The following SUPT3H variants were observed in gnomAD, a reference collection of about 807,000 sequenced individuals.
The protein encoded by SUPT3H is transcription initiation protein SPT3 homolog.
A neutral mutation model predicts 44.3 loss-of-function variants in SUPT3H; 44 were observed. That is an observed-to-expected ratio of 0.99 (90% CI 0.78 to 1.28). The LOEUF (loss-of-function observed/expected upper bound fraction) is 1.28. Ranked by LOEUF, SUPT3H falls within the 50% of genes most tolerant of loss-of-function variation. The pLI, the probability that SUPT3H is intolerant of heterozygous loss-of-function variation, is 0.00. For synonymous variants in SUPT3H, 124 were observed against 125.6 expected (o/e 0.99, Z 0.09); for missense variants, 380 against 387.1 (o/e 0.98, Z 0.15).
intron 11 of SUPT3H, among the ~76,000 whole-genome samples, chr6:44,812,249 T>C (rs1310162145): frequency 6.6e-6 from 1 of 152,184 alleles, no homozygotes; most frequent in East Asian, 1.9e-4. Flanking sequence ...TAGGGAAGAA[T>C]CTGTTTCCTG....
At chr6:45,355,626 T>C (rs886849935) in intron 2 of SUPT3H, among the ~76,000 whole-genome samples, 5 of 152,158 alleles carry the variant, frequency 3.3e-5, no homozygotes, top group Non-Finnish European at 7.4e-5. Context: ...GAAATATTTA[T>C]ATTTAATTAC....
At chr6:45,135,639 G>A (rs990514700) in intron 2 of SUPT3H, among the ~76,000 whole-genome samples, 1 of 151,892 alleles carries the variant, frequency 6.6e-6, no homozygotes, top group Non-Finnish European at 1.5e-5. Flanking sequence ...TAAAACCATA[G>A]CAGTGCCCTT....
intron 3 of SUPT3H, among the ~76,000 whole-genome samples, chr6:45,073,913 A>G (rs1473252103): frequency 1.3e-5 from 2 of 152,050 alleles, no homozygotes; most frequent in African/African-American, 2.4e-5. Context: ...TCTATGGAAG[A>G]GAACAGAAAA....
At chr6:45,371,758 G>A (rs1157833727) in intron 1 of SUPT3H, 1 of 802,644 alleles carries the variant, frequency 1.2e-6, no homozygotes, top group African/African-American at 1.9e-5. Flanking sequence ...GAAAATCTTA[G>A]GTAGATGGAT....
intron 6 of SUPT3H, among the ~76,000 whole-genome samples, chr6:44,971,802 T>G (rs778267553): frequency 6.6e-6 from 1 of 151,710 alleles, no homozygotes; most frequent in Non-Finnish European, 1.5e-5. Flanking sequence ...AGACGGAGTC[T>G]CACTCTGTCG....
chr6:45,346,644 T>C (rs1790938420), intron 2 of SUPT3H, among the ~76,000 whole-genome samples: 1 of 151,240 alleles, frequency 6.6e-6, no homozygotes, highest in Non-Finnish European at 1.5e-5. Context: ...CTCGGCTCAC[T>C]GCAACCTCCA....
At chr6:44,815,088 G>A (rs958721034) in intron 11 of SUPT3H, among the ~76,000 whole-genome samples, 13 of 152,144 alleles carry the variant, frequency 8.5e-5, no homozygotes, top group African/African-American at 3.1e-4. Context: ...GTGTGTGTGT[G>A]TATGTGTGCA....
chr6:45,128,507 A>AC (rs1802797412), intron 2 of SUPT3H, among the ~76,000 whole-genome samples: 1 of 21,824 alleles, frequency 4.6e-5, no homozygotes, highest in Non-Finnish European at 9.7e-5. Flanking sequence ...CTGTCTCAAA[A>AC]AAAAAAAAAA....
intron 2 of SUPT3H, among the ~76,000 whole-genome samples, chr6:45,346,455 C>T (rs934313598): frequency 6.6e-6 from 1 of 152,112 alleles, no homozygotes; most frequent in Non-Finnish European, 1.5e-5. Flanking sequence ...CACTAAACTA[C>T]ACACTCTCTT....
intron 2 of SUPT3H, among the ~76,000 whole-genome samples, chr6:45,280,438 G>A (rs571466615): frequency 6.6e-6 from 1 of 152,144 alleles, no homozygotes; most frequent in East Asian, 1.9e-4. Flanking sequence ...TCCAGGAAGT[G>A]GAGGTTATGG....
At chr6:45,011,543 C>G (rs947668577) in intron 5 of SUPT3H, among the ~76,000 whole-genome samples, 2 of 151,938 alleles carry the variant, frequency 1.3e-5, no homozygotes, top group Non-Finnish European at 2.9e-5. Context: ...TTACCACTTA[C>G]CTCATTCGTG....
intron 2 of SUPT3H, among the ~76,000 whole-genome samples, chr6:45,273,660 C>T (rs1410454251): frequency 6.6e-6 from 1 of 152,124 alleles, no homozygotes; most frequent in Non-Finnish European, 1.5e-5. Flanking sequence ...TTTTTATTAT[C>T]AAATAACAAT....
intron 10 of SUPT3H, among the ~76,000 whole-genome samples, chr6:44,833,680 C>A (rs867282024): frequency 5.3e-5 from 8 of 152,164 alleles, no homozygotes; most frequent in Middle Eastern, 3.4e-3. Context: ...TTGAGCCTTA[C>A]CACAATTAGT....
rs1491302388 is a variant in SUPT3H, at chr6:45,158,299, T to TATATATA, written c.102-52294_102-52293insTATATAT. Among the ~76,000 whole-genome samples, 67 of 13,388 alleles carry TATATATA rather than the reference T, an allele frequency of 5.0e-3. 1 individual carries two copies. Among genetic ancestry groups the TATATATA allele is most frequent in the African/African-American group, 0.015 (63 of 4,164 alleles). The allele number at this position is 13,388 out of a possible 152,430, so 8.8% of individuals were successfully genotyped here. On this transcript the variant is annotated intron_variant, in intron 2 of 10. Coordinates refer to ENST00000371459, the MANE Select transcript of SUPT3H (RefSeq NM_003599.4). ...ACATATATATATATATATATATATA[T>TATATATA]TTTTTTTTTTTTTTTTTTGAGATGG...
At chr6:45,069,197 A>G (rs1435816920) in intron 3 of SUPT3H, among the ~76,000 whole-genome samples, 1 of 152,186 alleles carries the variant, frequency 6.6e-6, no homozygotes, top group Non-Finnish European at 1.5e-5. Context: ...GTAAAAGAAG[A>G]TAACAGATTG....
chr6:45,312,340 C>A (rs1446250046), intron 2 of SUPT3H, among the ~76,000 whole-genome samples: 2 of 152,000 alleles, frequency 1.3e-5, no homozygotes, highest in African/African-American at 2.4e-5. Flanking sequence ...CAGTGAAACC[C>A]TATCTCCACA....
intron 3 of SUPT3H, among the ~76,000 whole-genome samples, chr6:45,049,419 T>C (rs927128046): frequency 2.0e-5 from 3 of 152,234 alleles, no homozygotes; most frequent in African/African-American, 7.2e-5. Context: ...TAGGTCTACA[T>C]GTGACAGCAT....
intron 2 of SUPT3H, among the ~76,000 whole-genome samples, chr6:45,310,711 T>C (rs992932943): frequency 1.3e-5 from 2 of 152,006 alleles, no homozygotes; most frequent in Non-Finnish European, 2.9e-5. Flanking sequence ...CAGGAAGCCA[T>C]AACCACAGGA....
In SUPT3H at chr6:45,097,021, T is replaced by C. The variant is rs1009922132; in HGVS notation, c.186+8901A>G. On this transcript the variant is annotated intron_variant, in intron 3 of 10. Transcript: ENST00000371459. ...AGGACAAAGAGAGTGTAGTATAATA[T>C]ATATCAGGCATCAGTCTTGTGGAAC... 3.3e-5 allele frequency among the ~76,000 whole-genome samples: 5 copies of C among 152,240 alleles called. No homozygotes were observed. In the East Asian group the frequency reaches 7.7e-4, roughly 24 times the overall value.
Sources: allele counts gnomAD v4.1 joint callset (sites outside exome capture counted in the v4.1 genomes callset), GRCh38; gene constraint gnomAD v4.1.1; transcripts MANE v1.5; gene names NCBI Gene and HGNC (gene_info 2026-07-23, HGNC 2026-07-21).